The following PDZD9 variants were observed in gnomAD, a reference collection of about 807,000 sequenced individuals.
The protein encoded by PDZD9 is PDZ domain-containing protein 9.
Under a neutral mutation model 16.3 loss-of-function variants are expected in PDZD9, and 13 were observed. That is an observed-to-expected ratio of 0.80 (90% confidence interval 0.52 to 1.27). The LOEUF (loss-of-function observed/expected upper bound fraction) is 1.27, where lower values mean the gene tolerates loss of function less well. PDZD9 is among the 50% of genes most tolerant of loss of function. The probability of loss-of-function intolerance (pLI) is 0.00; values close to 1 mark genes in which losing one functional copy is unlikely to be tolerated. For synonymous variants in PDZD9, 120 were observed against 111.0 expected (o/e 1.08, Z -0.51); for missense variants, 288 against 310.9 (o/e 0.93, Z 0.55).
chr16:21,995,422 C>T, intron 2 of PDZD9: 1 of 321,886 alleles, frequency 3.1e-6, no homozygotes, highest in Admixed American at 4.0e-5. Flanking sequence ...CTGTGTTGCT[C>T]AGGCTGGCCT....
chr16:21,965,357 T>G, the PDZD9 span: 1 of 1,561,606 alleles, frequency 6.4e-7, no homozygotes, highest in African/African-American at 1.4e-5. Context: ...TTAAAAATGT[T>G]GTCTTTACTG....
intron 1 of PDZD9, chr16:21,999,485 A>G (rs1255179706): frequency 1.3e-5 from 2 of 152,414 alleles, no homozygotes; most frequent in African/African-American, 4.8e-5. Flanking sequence ...TCAGACAGCA[A>G]TGTCAACCTT....
At chr16:21,978,064 A>G in the PDZD9 span, among the ~76,000 whole-genome samples, 1 of 152,222 alleles carries the variant, frequency 6.6e-6, no homozygotes, top group Non-Finnish European at 1.5e-5. Context: ...TAATAAGTGT[A>G]ACACAGTTCT....
At position 21,996,173 on chromosome 16, in the gene PDZD9, G is replaced by A. The variant is rs773701272; in HGVS notation, c.211+149C>T. ...CTCCTGACCTTAAGTGATCCACCCC[G>A]CCTTGGCCTCCCAAAGTGCTGGGAT... is the stretch of plus-strand genomic sequence containing the variant. On this transcript the variant is annotated intron_variant, in intron 2 of 3. Transcript: ENST00000424898. 7.3e-5 allele frequency: 70 copies of A among 960,916 alleles called. 1 individual carries two copies. The highest frequency in any genetic ancestry group is 3.9e-4 in the South Asian group (22 of 56,014). 59.5% of individuals were successfully genotyped at this position (960,916 alleles called of 1,614,324 possible). A position where few individuals can be genotyped will look rare whatever the true frequency, so the allele number is the denominator to read the frequency against.
chr16:21,988,928 C>A (rs556268173), intron 2 of PDZD9, 137 bp from the exon 3 acceptor site: 2 of 345,682 alleles, frequency 5.8e-6, no homozygotes, highest in Non-Finnish European at 9.6e-6. Context: ...AGGCTTCAGC[C>A]TTTTTTTTTT....
chr16:21,988,829 G>A, intron 2 of PDZD9, 38 bp from the exon 3 acceptor site: 1 of 1,490,316 alleles, frequency 6.7e-7, no homozygotes, highest in Non-Finnish European at 9.1e-7. Flanking sequence ...TAAAACTAGA[G>A]GTTTAAAGGG....
chr16:21,973,342 T>A, the PDZD9 span, among the ~76,000 whole-genome samples: 1 of 152,190 alleles, frequency 6.6e-6, no homozygotes, highest in African/African-American at 2.4e-5. Flanking sequence ...ACATAAACAC[T>A]GCAAATCGGG....
chr16:21,982,936 A>G, downstream of PDZD9: 2 of 708,290 alleles, frequency 2.8e-6, no homozygotes, highest in Non-Finnish European at 4.5e-6. Context: ...TGCACTCCAC[A>G]CTGGGTGACA....
downstream of PDZD9, chr16:21,983,180 C>T: frequency 1.9e-6 from 3 of 1,611,662 alleles, no homozygotes; most frequent in South Asian, 1.1e-5. Context: ...AATACTGATG[C>T]ACACATTACA....
the PDZD9 span, chr16:21,973,940 G>A: frequency 6.8e-6 from 11 of 1,611,512 alleles, no homozygotes; most frequent in South Asian, 6.6e-5. Flanking sequence ...GACTCTTTGG[G>A]ATTTATACTA....
the PDZD9 span, chr16:21,968,461 T>TA: frequency 2.1e-6 from 1 of 481,080 alleles, no homozygotes; most frequent in Non-Finnish European, 3.6e-6. Context: ...CAATAGTTTT[T>TA]ATAATAAAAT....
the PDZD9 span, chr16:21,962,761 T>G: frequency 1.9e-6 from 3 of 1,614,122 alleles, no homozygotes; most frequent in Non-Finnish European, 2.5e-6. Context: ...TCTTCTGTAG[T>G]GATATTCTAA....
At chr16:21,973,146 T>C in the PDZD9 span, among the ~76,000 whole-genome samples, 1 of 152,152 alleles carries the variant, frequency 6.6e-6, no homozygotes, top group Admixed American at 6.5e-5. Context: ...AGTGCCTTCT[T>C]ATGCTTTACG....
chr16:21,988,125 A>G (rs896410333), intron 3 of PDZD9, among the ~76,000 whole-genome samples: 18 of 147,776 alleles, frequency 1.2e-4, no homozygotes, highest in African/African-American at 4.5e-4. Flanking sequence ...CTCCTGCCTC[A>G]GCCTCCCGAA....
the PDZD9 span, chr16:21,968,420 A>G: frequency 2.4e-6 from 1 of 413,270 alleles, no homozygotes; most frequent in Non-Finnish European, 4.3e-6. Context: ...TTGTGCAACC[A>G]TGACCACAAT....
chr16:21,969,054 A>G, the PDZD9 span, among the ~76,000 whole-genome samples: 1 of 152,210 alleles, frequency 6.6e-6, no homozygotes, highest in East Asian at 1.9e-4. Flanking sequence ...TGTGTAGCCA[A>G]CTATCTTTGT....
the PDZD9 span, chr16:21,972,106 C>G: frequency 3.1e-6 from 5 of 1,613,572 alleles, no homozygotes; most frequent in Admixed American, 8.3e-5. Context: ...GCCAAGGCAA[C>G]TCAGCAGCCA....
Position 21,984,332 on chromosome 16 carries a change from A to G in PDZD9, c.730T>C (p.Phe244Leu). Residue 244 changes from phenylalanine (F) to leucine (L), a missense_variant, in exon 4 of 4, where the codon TTT (phenylalanine) becomes CTT (leucine). Physicochemically the swap from Phe to Leu is conservative, Grantham distance 22. Transcript: ENST00000424898. ...ACTTGGGCACAATCTTCCAGCCAAAATGCATCTGAGGTAGAGGAGGTAGAG... is the reference window on the plus strand; with the variant it reads ...ACTTGGGCACAATCTTCCAGCCAAAGTGCATCTGAGGTAGAGGAGGTAGAG... Reference protein sequence around the residue: ...SSSTSSTSDAFWLEDCAQVEE... With the variant: ...SSSTSSTSDALWLEDCAQVEE... The G allele has an allele frequency of 6.2e-7, 1 of 1,614,104 alleles. No individual in the cohort carries two copies. The highest frequency in any genetic ancestry group is 2.2e-5 in the East Asian group (1 of 44,878).
chr16:21,997,001 T>C (rs1899168350), intron 1 of PDZD9, among the ~76,000 whole-genome samples: 1 of 152,126 alleles, frequency 6.6e-6, no homozygotes, highest in South Asian at 2.1e-4. Context: ...TTTTATTGTT[T>C]TTGTAGAGAC....
Sources: allele counts gnomAD v4.1 joint callset (sites outside exome capture counted in the v4.1 genomes callset), GRCh38; gene constraint gnomAD v4.1.1; transcripts MANE v1.5; gene names NCBI Gene and HGNC (gene_info 2026-07-23, HGNC 2026-07-21).